Variants in PLCB1 observed in about 807,000 individuals in gnomAD.
The protein encoded by PLCB1 is phospholipase C beta 1.
A neutral mutation model predicts 161.8 loss-of-function variants in PLCB1; 46 were observed. The observed-to-expected ratio is 0.28, with a 90% CI of 0.22 to 0.36. PLCB1 has a LOEUF of 0.36. PLCB1 is among the 10% of genes least tolerant of loss of function. The pLI, the probability that PLCB1 is intolerant of heterozygous loss-of-function variation, is 1.00. For synonymous variants in PLCB1, 517 were observed against 503.7 expected, an observed-to-expected ratio of 1.03 and a Z score of -0.35; for missense variants, 1,016 against 1,472.5, an observed-to-expected ratio of 0.69 and a Z score of 5.07.
intron 2 of PLCB1, among the ~76,000 whole-genome samples, chr20:8,272,158 T>G (rs1982317572): frequency 6.6e-6 from 1 of 151,580 alleles, no homozygotes; most frequent in Non-Finnish European, 1.5e-5. Flanking sequence ...CTGGACCCTT[T>G]AAGAATTGTG....
intron 10 of PLCB1, among the ~76,000 whole-genome samples, chr20:8,686,596 A>G (rs1990364315): frequency 6.6e-6 from 1 of 152,148 alleles, no homozygotes; most frequent in Non-Finnish European, 1.5e-5. Flanking sequence ...ACCTTCTTTC[A>G]GAGTATATTA....
chr20:8,251,311 A>G (rs555672755), intron 2 of PLCB1, among the ~76,000 whole-genome samples: 64 of 152,076 alleles, frequency 4.2e-4, no homozygotes, highest in African/African-American at 1.4e-3. Flanking sequence ...AAGCAACAAC[A>G]GTGATGATGG....
chr20:8,713,346 C>A (rs973428246), intron 12 of PLCB1, among the ~76,000 whole-genome samples: 33 of 152,126 alleles, frequency 2.2e-4, no homozygotes, highest in African/African-American at 7.7e-4. Context: ...CCACAACTGG[C>A]AAACTTTTGC....
chr20:8,667,231 C>T (rs553045673), intron 9 of PLCB1, among the ~76,000 whole-genome samples: 1 of 152,282 alleles, frequency 6.6e-6, no homozygotes, highest in South Asian at 2.1e-4. Flanking sequence ...TGAAAAGCTA[C>T]TCTAGGATTT....
chr20:8,592,137 C>A (rs1242285491), intron 3 of PLCB1, among the ~76,000 whole-genome samples: 1 of 152,206 alleles, frequency 6.6e-6, no homozygotes, highest in Non-Finnish European at 1.5e-5. Flanking sequence ...TGTGTCACTA[C>A]ACTATCTCAA....
chr20:8,815,227 A>C (rs1985031088), intron 31 of PLCB1, among the ~76,000 whole-genome samples: 2 of 152,194 alleles, frequency 1.3e-5, no homozygotes, highest in Admixed American at 1.3e-4. Context: ...ATTAATTGAA[A>C]AATTGATGAC....
At chr20:8,213,595 G>A (rs968496271) in intron 2 of PLCB1, among the ~76,000 whole-genome samples, 1 of 152,068 alleles carries the variant, frequency 6.6e-6, no homozygotes, top group Admixed American at 6.6e-5. Context: ...AATAAAGCTT[G>A]CTCTGTTGTG....
intron 10 of PLCB1, among the ~76,000 whole-genome samples, chr20:8,691,135 A>G (rs1990469061): frequency 6.6e-6 from 1 of 152,194 alleles, no homozygotes; most frequent in African/African-American, 2.4e-5. Context: ...TGGTAGAATC[A>G]TTGTTTTAAT....
chr20:8,398,953 T>G (rs757933977), intron 3 of PLCB1, among the ~76,000 whole-genome samples: 2 of 152,048 alleles, frequency 1.3e-5, no homozygotes, highest in Non-Finnish European at 2.9e-5. Context: ...TGTTTCTGCC[T>G]TGTAAGTTTT....
chr20:8,195,650 A>G lies in PLCB1; in HGVS notation c.177+45279A>G, dbSNP rs550050679. ...TGGCAACTGATGGATTTTTTATTCTAGAATCAACTCAATTTTCCCACAGTG... is the reference window on the plus strand; with the variant it reads ...TGGCAACTGATGGATTTTTTATTCTGGAATCAACTCAATTTTCCCACAGTG... On this transcript the variant is annotated intron_variant, in intron 2 of 31. Transcript: ENST00000338037. 1.1e-4 allele frequency among the ~76,000 whole-genome samples: 17 copies of G among 152,228 alleles called. No individual in the cohort carries two copies. In the South Asian group the frequency reaches 3.3e-3, roughly 30 times the overall value.
chr20:8,675,885 T>G (rs534514243), intron 9 of PLCB1, among the ~76,000 whole-genome samples: 1 of 152,320 alleles, frequency 6.6e-6, no homozygotes, highest in African/African-American at 2.4e-5. Flanking sequence ...ATAAAAAACC[T>G]TAAAAGTCTC....
intron 2 of PLCB1, among the ~76,000 whole-genome samples, chr20:8,220,558 A>G (rs1276469175): frequency 2.0e-5 from 3 of 152,228 alleles, no homozygotes; most frequent in Non-Finnish European, 4.4e-5. Context: ...AGAAGGCCAT[A>G]TAATGGCGGA....
intron 3 of PLCB1, among the ~76,000 whole-genome samples, chr20:8,490,353 A>G (rs1982893905): frequency 6.6e-6 from 1 of 152,210 alleles, no homozygotes; most frequent in African/African-American, 2.4e-5. Flanking sequence ...GCAAGAAATA[A>G]GTATTTGTTA....
intron 3 of PLCB1, among the ~76,000 whole-genome samples, chr20:8,434,180 T>C (rs1163392680): frequency 6.6e-6 from 1 of 152,226 alleles, no homozygotes; most frequent in Non-Finnish European, 1.5e-5. Flanking sequence ...GTATTCATTC[T>C]AGTTAGTTTT....
intron 2 of PLCB1, among the ~76,000 whole-genome samples, chr20:8,252,402 T>C (rs1981193515): frequency 6.6e-6 from 1 of 151,760 alleles, no homozygotes; most frequent in African/African-American, 2.4e-5. Flanking sequence ...TTAGGGTCAC[T>C]AACACCAAGA....
intron 3 of PLCB1, among the ~76,000 whole-genome samples, chr20:8,595,346 C>T (rs556812450): frequency 2.1e-5 from 3 of 143,938 alleles, no homozygotes; most frequent in South Asian, 2.3e-4. Context: ...CGAGAATATG[C>T]GGTGTTTGGT....
At chr20:8,860,341 A>T (rs1269199921) in intron 31 of PLCB1, among the ~76,000 whole-genome samples, 1 of 152,194 alleles carries the variant, frequency 6.6e-6, no homozygotes, top group Non-Finnish European at 1.5e-5. Flanking sequence ...GTGTAACTTG[A>T]AGCTTTGGTT....
intron 2 of PLCB1, among the ~76,000 whole-genome samples, chr20:8,159,796 T>C (rs896185812): frequency 6.6e-6 from 1 of 151,780 alleles, no homozygotes; most frequent in Admixed American, 6.6e-5. Flanking sequence ...GGAACCAGCC[T>C]GACCAACATG....
chr20:8,639,053 G>A (rs1988860162), intron 4 of PLCB1, among the ~76,000 whole-genome samples: 1 of 152,142 alleles, frequency 6.6e-6, no homozygotes, highest in East Asian at 1.9e-4. Context: ...CATTGTGGGT[G>A]GTAAGAGAAT....
Sources: gnomAD v4.1 joint callset for allele counts (sites outside exome capture counted in the v4.1 genomes callset) on GRCh38, gnomAD v4.1.1 for gene constraint, MANE v1.5 for transcripts, NCBI Gene and HGNC (gene_info 2026-07-23, HGNC 2026-07-21) for gene names.